Variants in CAMTA1 observed in about 807,000 individuals in gnomAD.
CAMTA1 encodes calmodulin-binding transcription activator 1.
In CAMTA1, 27 loss-of-function variants were observed where a neutral mutation model predicts 170.9. The observed-to-expected ratio is 0.16, with a 90% CI of 0.12 to 0.22. CAMTA1 has a LOEUF of 0.22. Among genes scored for constraint, CAMTA1 ranks in the 10% least tolerant of loss-of-function variants. CAMTA1 has a pLI of 1.00. For synonymous variants in CAMTA1, 833 were observed against 891.5 expected, an observed-to-expected ratio of 0.93 and a Z score of 1.17; for missense variants, 1,619 against 2,217.2, an observed-to-expected ratio of 0.73 and a Z score of 5.42.
intron 11 of CAMTA1, among the ~76,000 whole-genome samples, chr1:7,690,938 C>T (rs529967648): frequency 1.6e-4 from 25 of 152,356 alleles, no homozygotes; most frequent in Middle Eastern, 6.8e-3. Flanking sequence ...CGGTTATTCA[C>T]GACAACCGTC....
Position 7,151,182 on chromosome 1 carries a change from G to T in CAMTA1, c.302+59811G>T, listed in dbSNP as rs114525404. On this transcript the variant is annotated intron_variant, in intron 4 of 22. Transcript: ENST00000303635. ...ATGGGCCTCCTCTCCCTTGGCCAGC[G>T]CTGGCGTTCGCGCCTGGCTCCCTGG... Among the ~76,000 whole-genome samples, 359 of 152,358 alleles carry T rather than the reference G, an allele frequency of 2.4e-3. 1 individual carries two copies. The highest frequency in any genetic ancestry group is 8.4e-3 in the African/African-American group (348 of 41,584).
intron 6 of CAMTA1, among the ~76,000 whole-genome samples, chr1:7,526,659 C>T (rs2094435491): frequency 6.6e-6 from 1 of 152,206 alleles, no homozygotes; most frequent in Admixed American, 6.5e-5. Context: ...AGGGCATGTT[C>T]CTCCAGGCCT....
chr1:6,802,201 T>C (rs1643932380), intron 1 of CAMTA1, among the ~76,000 whole-genome samples: 1 of 152,210 alleles, frequency 6.6e-6, no homozygotes, highest in Non-Finnish European at 1.5e-5. Flanking sequence ...GCTGGGCTTT[T>C]TCCATTCACA....
chr1:7,161,898 A>G (rs906482863), intron 4 of CAMTA1, among the ~76,000 whole-genome samples: 11 of 152,266 alleles, frequency 7.2e-5, no homozygotes, highest in African/African-American at 2.6e-4. Context: ...CAATAGTACA[A>G]TAGCAATGAA....
intron 5 of CAMTA1, among the ~76,000 whole-genome samples, chr1:7,316,378 T>C (rs932794787): frequency 1.3e-5 from 2 of 152,236 alleles, no homozygotes; most frequent in Non-Finnish European, 2.9e-5. Flanking sequence ...AAGGTCTCTT[T>C]TGAGGTTCTG....
At chr1:7,374,646 G>A (rs778238192) in intron 5 of CAMTA1, among the ~76,000 whole-genome samples, 1 of 152,248 alleles carries the variant, frequency 6.6e-6, no homozygotes, top group South Asian at 2.1e-4. Flanking sequence ...TTTACAAGGA[G>A]CCAAATATAA....
At chr1:7,571,533 T>G (rs990448876) in intron 6 of CAMTA1, among the ~76,000 whole-genome samples, 2 of 152,214 alleles carry the variant, frequency 1.3e-5, no homozygotes, top group African/African-American at 4.8e-5. Flanking sequence ...TTCCCCTCTT[T>G]GTGCCCATGT....
intron 5 of CAMTA1, among the ~76,000 whole-genome samples, chr1:7,398,185 CTCTCTCTCTATATATATATATATATATAT>C (rs1343877640): frequency 0.022 from 1,007 of 46,552 alleles, 35 homozygotes; most frequent in Middle Eastern, 0.056. Context: ...CTCTCTCTCT[CTCTCTCTCTATATATATATATATATATAT>C]ATATATATAT....
intron 3 of CAMTA1, among the ~76,000 whole-genome samples, chr1:6,919,118 G>C (rs1681443735): frequency 6.6e-6 from 1 of 152,224 alleles, no homozygotes; most frequent in Admixed American, 6.5e-5. Flanking sequence ...AGGTTTGTGT[G>C]TTTCTCTCCG....
chr1:7,613,984 G>A (rs540462041), intron 6 of CAMTA1, among the ~76,000 whole-genome samples: 77 of 146,540 alleles, frequency 5.3e-4, no homozygotes, highest in Non-Finnish European at 1.0e-3. Flanking sequence ...GGGTGGGGAG[G>A]GCAGGCCTGA....
chr1:7,758,508 TTC>T lies in CAMTA1; in HGVS notation c.4989+2845_4989+2846del, dbSNP rs368960266. On this transcript the variant is annotated intron_variant, in intron 22 of 22. Transcript: ENST00000303635. ...GCTTTGTATGATTGCCAATAAGATC[TTC>T]TCTCCCTCGTTCTTCCATCGGAGAA... Among the ~76,000 whole-genome samples, 500 of 152,268 alleles carry T rather than the reference TTC, an allele frequency of 3.3e-3. 5 individuals are homozygous for T. The highest frequency in any genetic ancestry group is 0.011 in the African/African-American group (448 of 41,576).
chr1:7,494,761 G>A (rs139242492), intron 6 of CAMTA1, among the ~76,000 whole-genome samples: 49 of 152,206 alleles, frequency 3.2e-4, no homozygotes, highest in African/African-American at 9.9e-4. Context: ...CAGAGATGGC[G>A]CCACTGCACT....
At chr1:6,799,862 A>T (rs1643473533) in intron 1 of CAMTA1, among the ~76,000 whole-genome samples, 2 of 152,052 alleles carry the variant, frequency 1.3e-5, no homozygotes, top group African/African-American at 4.8e-5. Flanking sequence ...CATGGATAAG[A>T]GGGGGACTAT....
intron 3 of CAMTA1, among the ~76,000 whole-genome samples, chr1:6,877,757 G>A (rs1370780505): frequency 6.6e-6 from 1 of 152,138 alleles, no homozygotes; most frequent in East Asian, 1.9e-4. Flanking sequence ...CTTCTGTGTG[G>A]ATCCTTTTGA....
At chr1:7,533,382 C>T (rs952882453) in intron 6 of CAMTA1, among the ~76,000 whole-genome samples, 6 of 152,214 alleles carry the variant, frequency 3.9e-5, no homozygotes, top group Admixed American at 2.6e-4. Flanking sequence ...CCTCCTGGCA[C>T]CAAGCAGCTG....
chr1:6,908,506 C>T (rs771057828), intron 3 of CAMTA1, among the ~76,000 whole-genome samples: 11 of 152,208 alleles, frequency 7.2e-5, no homozygotes, highest in Non-Finnish European at 1.0e-4. Flanking sequence ...ACTGGCAACG[C>T]GATCACCTCC....
intron 3 of CAMTA1, among the ~76,000 whole-genome samples, chr1:6,851,999 G>A (rs1407635664): frequency 7.0e-6 from 1 of 143,414 alleles, no homozygotes; most frequent in Non-Finnish European, 1.5e-5. Flanking sequence ...AGGTGAGAGT[G>A]AGACTCTATC....
At chr1:6,830,394 A>T (rs2148569491) in intron 3 of CAMTA1, among the ~76,000 whole-genome samples, 1 of 144,004 alleles carries the variant, frequency 6.9e-6, no homozygotes, top group South Asian at 2.2e-4. Context: ...CCCAGGCTGG[A>T]GTGCAATGAC....
chr1:7,638,647 A>G (rs2095735320), intron 6 of CAMTA1, among the ~76,000 whole-genome samples: 1 of 151,486 alleles, frequency 6.6e-6, no homozygotes, highest in Non-Finnish European at 1.5e-5. Flanking sequence ...GTCTAAAGGA[A>G]AAAAAAAAGG....
Sources: gnomAD v4.1 joint callset for allele counts (sites outside exome capture counted in the v4.1 genomes callset) on GRCh38, gnomAD v4.1.1 for gene constraint, MANE v1.5 for transcripts, NCBI Gene and HGNC (gene_info 2026-07-23, HGNC 2026-07-21) for gene names.